Variants in SPATA13 observed in about 807,000 individuals in gnomAD.
SPATA13 encodes the protein spermatogenesis-associated protein 13.
A neutral mutation model predicts 104.0 loss-of-function variants in SPATA13; 50 were observed. The observed-to-expected ratio is 0.48, with a 90% CI of 0.38 to 0.61. The LOEUF is 0.61. Ranked by LOEUF, SPATA13 falls within the 20% of genes least tolerant of loss-of-function variation. The pLI is 0.00. For missense variants in SPATA13, 1,524 were observed against 1,690.6 expected, an observed-to-expected ratio of 0.90 and a Z score of 1.73; for synonymous variants, 606 against 667.5, an observed-to-expected ratio of 0.91 and a Z score of 1.42.
chr13:24,241,752 A>C (rs1872845201), intron 2 of SPATA13, among the ~76,000 whole-genome samples: 2 of 152,354 alleles, frequency 1.3e-5, no homozygotes, highest in East Asian at 3.9e-4. Context: ...AGCTTTAGAC[A>C]GAAAGATTAT....
chr13:24,147,457 A>G (rs1240460728), intron 3 of SPATA13, among the ~76,000 whole-genome samples: 2 of 151,218 alleles, frequency 1.3e-5, no homozygotes, highest in Non-Finnish European at 2.9e-5. Context: ...TTGTCTATCC[A>G]CTCTCTTCTG....
chr13:24,151,307 G>A (rs1490252630), intron 3 of SPATA13, among the ~76,000 whole-genome samples: 1 of 152,158 alleles, frequency 6.6e-6, no homozygotes, highest in African/African-American at 2.4e-5. Flanking sequence ...CAAACACATG[G>A]GGCTGAGGAC....
chr13:24,028,723 C>A lies in SPATA13; in HGVS notation c.-112+11022C>A, dbSNP rs75286780. Among the ~76,000 whole-genome samples, 1,378 of 152,242 alleles carry A rather than the reference C, an allele frequency of 9.1e-3. 23 individuals carry two copies. Among genetic ancestry groups the A allele is most frequent in the African/African-American group, 0.031 (1,302 of 41,552 alleles). On this transcript the variant is annotated intron_variant, in intron 3 of 14. Transcript: ENST00000424834. ...AATTCCAATTGAATGTTTGTCCGTT[C>A]TTACGCTTCAAGCTTTTACTCACAT...
At chr13:24,037,660 G>A (rs541485430) in intron 3 of SPATA13, among the ~76,000 whole-genome samples, 4 of 151,826 alleles carry the variant, frequency 2.6e-5, no homozygotes, top group Admixed American at 1.3e-4. Context: ...CACCTGCCTC[G>A]GCCTTCCAAA....
intron 3 of SPATA13, among the ~76,000 whole-genome samples, chr13:24,085,959 GGGA>G (rs1329463925): frequency 6.6e-5 from 10 of 152,346 alleles, no homozygotes; most frequent in African/African-American, 2.4e-4. Flanking sequence ...CAGGGAGAGA[GGGA>G]GTTAAATGGA....
chr13:24,253,475 G>T (rs1266982545), intron 4 of SPATA13, among the ~76,000 whole-genome samples: 1 of 152,108 alleles, frequency 6.6e-6, no homozygotes, highest in South Asian at 2.1e-4. Context: ...TTAACTAGAG[G>T]CAGATTTAAG....
intron 3 of SPATA13, among the ~76,000 whole-genome samples, chr13:24,108,259 T>A (rs1880519481): frequency 6.6e-6 from 1 of 152,252 alleles, no homozygotes; most frequent in Non-Finnish European, 1.5e-5. Flanking sequence ...TATTGTTGAT[T>A]ACATTTCAAC....
upstream of SPATA13, among the ~76,000 whole-genome samples, chr13:24,159,619 C>T (rs187947723): frequency 1.1e-4 from 17 of 152,314 alleles, no homozygotes; most frequent in Admixed American, 6.5e-5. Context: ...TTACAGGAGG[C>T]TCACGCCGCA....
intron 3 of SPATA13, among the ~76,000 whole-genome samples, chr13:24,061,523 G>A (rs1420169120): frequency 6.6e-6 from 1 of 152,196 alleles, no homozygotes; most frequent in Non-Finnish European, 1.5e-5. Context: ...ATGCACCATG[G>A]AATACTATGC....
At chr13:24,212,643 G>C (rs1438234080) in intron 1 of SPATA13, among the ~76,000 whole-genome samples, 3 of 152,206 alleles carry the variant, frequency 2.0e-5, no homozygotes. Context: ...GAGGAGAGGA[G>C]AGGGAAAGGG....
At chr13:24,122,913 G>A (rs1049455280) in intron 3 of SPATA13, 7 of 777,278 alleles carry the variant, frequency 9.0e-6, no homozygotes, top group African/African-American at 3.4e-5. Flanking sequence ...GAGCTGTTGG[G>A]TTATCTCTTA....
intron 9 of SPATA13, among the ~76,000 whole-genome samples, chr13:24,291,264 G>T (rs146033796): frequency 1.3e-5 from 2 of 152,316 alleles, no homozygotes; most frequent in East Asian, 3.9e-4. Context: ...CCATAACTCT[G>T]GTTCTCTCCT....
intron 3 of SPATA13, among the ~76,000 whole-genome samples, chr13:24,100,448 C>T (rs1443342544): frequency 6.6e-6 from 1 of 152,218 alleles, no homozygotes; most frequent in Non-Finnish European, 1.5e-5. Context: ...CTCCCTCTCT[C>T]CCTGTCTCTC....
rs1391514482 is a variant in SPATA13, at chr13:24,130,914, A to T, written c.-111-91905A>T. 3.9e-5 allele frequency among the ~76,000 whole-genome samples: 6 copies of T among 152,248 alleles called. 1 individual carries two copies. Among genetic ancestry groups the T allele is most frequent in the Admixed American group, 3.9e-4 (6 of 15,290 alleles). On this transcript the variant is annotated intron_variant, in intron 3 of 14. Transcript: ENST00000424834. ...CTGCAGGTTAAACTGCTGAAAAGAA[A>T]GCTCTGATGAGCTACGGAGGAATGA...
At chr13:24,035,311 C>T (rs1222205355) in intron 3 of SPATA13, among the ~76,000 whole-genome samples, 1 of 152,184 alleles carries the variant, frequency 6.6e-6, no homozygotes, top group Non-Finnish European at 1.5e-5. Context: ...TGCACCAACA[C>T]ACCCAGCTAA....
intron 1 of SPATA13, among the ~76,000 whole-genome samples, chr13:24,162,707 A>G (rs1478928247): frequency 6.6e-6 from 1 of 152,174 alleles, no homozygotes; most frequent in Non-Finnish European, 1.5e-5. Flanking sequence ...AAAATCCTCC[A>G]CACATCCCTA....
chr13:24,153,746 G>A (rs1375285797), intron 3 of SPATA13, among the ~76,000 whole-genome samples: 1 of 152,174 alleles, frequency 6.6e-6, no homozygotes, highest in Non-Finnish European at 1.5e-5. Context: ...TAAAAGAGGA[G>A]GTCATTTTGA....
At chr13:24,227,945 C>T (rs899744082) in intron 2 of SPATA13, among the ~76,000 whole-genome samples, 1 of 151,904 alleles carries the variant, frequency 6.6e-6, no homozygotes, top group African/African-American at 2.4e-5. Context: ...CTCACTCTGT[C>T]ACCAGGCTGG....
At chr13:24,091,750 G>A (rs922185403) in intron 3 of SPATA13, among the ~76,000 whole-genome samples, 2 of 152,242 alleles carry the variant, frequency 1.3e-5, no homozygotes, top group African/African-American at 4.8e-5. Context: ...GGCGGAGGCT[G>A]CAGTGAGTGG....
Sources: gnomAD v4.1 joint callset for allele counts (sites outside exome capture counted in the v4.1 genomes callset) on GRCh38, gnomAD v4.1.1 for gene constraint, MANE v1.5 for transcripts, NCBI Gene and HGNC (gene_info 2026-07-23, HGNC 2026-07-21) for gene names.